The following UPP2 variants were observed in gnomAD, a reference collection of about 807,000 sequenced individuals.
UPP2 encodes the protein uridine phosphorylase 2, also known as UPase 2.
Under a neutral mutation model 26.7 loss-of-function variants are expected in UPP2, and 23 were observed. The ratio of observed to expected loss-of-function variants is 0.86; its 90% confidence interval spans 0.62 to 1.22. UPP2 has a LOEUF of 1.22. Ranked by LOEUF, UPP2 falls within the 50% of genes most tolerant of loss-of-function variation. UPP2 has a pLI of 0.00. For missense variants in UPP2, 387 were observed against 396.7 expected, an observed-to-expected ratio of 0.98 and a Z score of 0.21; for synonymous variants, 127 against 141.3, an observed-to-expected ratio of 0.90 and a Z score of 0.72.
At position 158,054,388 on chromosome 2, in the gene UPP2, T is replaced by G. The variant is rs75244218; in HGVS notation, c.147+38502T>G. ...TTGCTTTGTTGGTTATTTTGAGGTTTTTTTTTTTTTTTAAATCCTTGCAAT... is the reference window on the plus strand; with the variant it reads ...TTGCTTTGTTGGTTATTTTGAGGTTGTTTTTTTTTTTTAAATCCTTGCAAT... On this transcript the variant is annotated intron_variant, in intron 3 of 9. Coordinates refer to the UPP2 transcript ENST00000605860. Among the ~76,000 whole-genome samples the G allele has an allele frequency of 5.2e-3, 672 of 129,716 alleles. 3 individuals carry two copies. The highest frequency in any genetic ancestry group is 0.028 in the African/African-American group (606 of 21,878). 85.1% of individuals were successfully genotyped at this position (129,716 alleles called of 152,430 possible).
intron 3 of UPP2, among the ~76,000 whole-genome samples, chr2:158,047,679 T>C (rs781523016): frequency 1.6e-4 from 25 of 152,222 alleles, no homozygotes; most frequent in Non-Finnish European, 3.1e-4. Context: ...CAGATCATGA[T>C]AGAGCCAAAT....
chr2:158,106,225 A>G lies in UPP2; in HGVS notation c.180+9A>G, dbSNP rs746279832. On this transcript the variant is annotated intron_variant, in intron 2 of 6. Transcript: ENST00000005756. Reference sequence around the variant, plus strand: ...TGTTTGGAGATGTAAAGGTAAAAACATTTCTAATTTCAGGAAAAATGATTG... The same window carrying G: ...TGTTTGGAGATGTAAAGGTAAAAACGTTTCTAATTTCAGGAAAAATGATTG... 11 of 1,593,748 alleles carry G rather than the reference A, an allele frequency of 6.9e-6. No homozygotes were observed. Among genetic ancestry groups the G allele is most frequent in the Non-Finnish European group, 9.4e-6 (11 of 1,172,792 alleles).
At chr2:158,080,817 A>C (rs1380583755) in intron 3 of UPP2, among the ~76,000 whole-genome samples, 1 of 152,176 alleles carries the variant, frequency 6.6e-6, no homozygotes, top group Non-Finnish European at 1.5e-5. Context: ...GATTAGAATT[A>C]GTGTGGAACA....
intron 3 of UPP2, among the ~76,000 whole-genome samples, chr2:158,074,014 A>T (rs1421803266): frequency 6.6e-6 from 1 of 152,108 alleles, no homozygotes; most frequent in African/African-American, 2.4e-5. Flanking sequence ...GTCTCTCCAA[A>T]TTTTTATTTA....
At chr2:158,125,566 C>T (rs1473603535) in intron 6 of UPP2, among the ~76,000 whole-genome samples, 1 of 152,010 alleles carries the variant, frequency 6.6e-6, no homozygotes, top group Non-Finnish European at 1.5e-5. Context: ...GAATTACAAG[C>T]TTGTGCCACC....
intron 3 of UPP2, among the ~76,000 whole-genome samples, chr2:158,020,697 C>T (rs957888538): frequency 6.6e-6 from 1 of 152,182 alleles, no homozygotes; most frequent in Non-Finnish European, 1.5e-5. Context: ...ATTGTTCGTG[C>T]ACAGATGACA....
intron 3 of UPP2, among the ~76,000 whole-genome samples, chr2:158,060,125 C>T (rs991583974): frequency 5.3e-5 from 8 of 152,082 alleles, no homozygotes; most frequent in Non-Finnish European, 8.8e-5. Context: ...CACAGGCACT[C>T]TTCCCATGAC....
At chr2:158,010,354 C>T (rs1421413928) in intron 2 of UPP2, among the ~76,000 whole-genome samples, 3 of 152,066 alleles carry the variant, frequency 2.0e-5, no homozygotes, top group African/African-American at 4.8e-5. Flanking sequence ...AAAATATTTT[C>T]CTTTCCTTAT....
chr2:158,086,206 AT>A (rs1387029558), intron 3 of UPP2, among the ~76,000 whole-genome samples: 1 of 151,938 alleles, frequency 6.6e-6, no homozygotes, highest in African/African-American at 2.4e-5. Flanking sequence ...CAGAGTTTCT[AT>A]TTATTCCTGG....
chr2:158,050,352 A>G (rs1682131915), intron 3 of UPP2, among the ~76,000 whole-genome samples: 1 of 152,196 alleles, frequency 6.6e-6, no homozygotes, highest in African/African-American at 2.4e-5. Context: ...TGAGAAGTAA[A>G]CAGTTTGGCT....
At chr2:157,995,202 C>T in exon 2 of UPP2, 2 of 1,613,696 alleles carry the variant, frequency 1.2e-6, no homozygotes, top group Non-Finnish European at 1.7e-6. Context: ...TGCTGCCATG[C>T]TGGCCCCAGG....
At chr2:158,128,766 T>C (rs1456277939) in intron 6 of UPP2, among the ~76,000 whole-genome samples, 1 of 152,148 alleles carries the variant, frequency 6.6e-6, no homozygotes, top group Non-Finnish European at 1.5e-5. Context: ...TAAAAGTCAA[T>C]GCAGATTTTT....
intron 2 of UPP2, among the ~76,000 whole-genome samples, chr2:158,007,496 G>A (rs563447995): frequency 6.6e-6 from 1 of 152,208 alleles, no homozygotes; most frequent in South Asian, 2.1e-4. Context: ...CTTGTCTTGA[G>A]GGCCTCATCT....
At chr2:158,090,003 T>C (rs565564618) in intron 3 of UPP2, among the ~76,000 whole-genome samples, 9 of 152,256 alleles carry the variant, frequency 5.9e-5, no homozygotes, top group African/African-American at 1.9e-4. Context: ...TGCAAATTAG[T>C]CCTGCCTCCT....
intron 6 of UPP2, among the ~76,000 whole-genome samples, chr2:158,129,111 C>G (rs1455189931): frequency 6.6e-6 from 1 of 151,934 alleles, no homozygotes; most frequent in East Asian, 1.9e-4. Flanking sequence ...CTACTCTTCC[C>G]TTCCCACTGC....
At position 158,123,139 on chromosome 2, in the gene UPP2, C is replaced by T. The variant is rs1260837725; in HGVS notation, c.665-610C>T. 3.9e-5 allele frequency among the ~76,000 whole-genome samples: 6 copies of T among 152,114 alleles called. No homozygotes were observed. The East Asian group carries it at 9.6e-4, about 24-fold the overall frequency. ...GAGTAATGACATCAAGGTTTCCTTT[C>T]CTTGCTTCTGTCCGCACTGGTAGAT... is the stretch of plus-strand genomic sequence containing the variant. On this transcript the variant is annotated intron_variant, in intron 5 of 6. Transcript: ENST00000005756.
At chr2:158,087,034 A>C (rs1682828288) in intron 3 of UPP2, among the ~76,000 whole-genome samples, 1 of 151,804 alleles carries the variant, frequency 6.6e-6, no homozygotes. Context: ...GTTTAAATCC[A>C]TTCTTTGTTG....
At chr2:158,074,868 C>T (rs1385250741) in intron 3 of UPP2, among the ~76,000 whole-genome samples, 2 of 149,756 alleles carry the variant, frequency 1.3e-5, no homozygotes, top group African/African-American at 4.9e-5. Flanking sequence ...GACCTGTTGC[C>T]TACAAAAAAG....
chr2:158,122,205 C>T (rs1017164427), intron 5 of UPP2, among the ~76,000 whole-genome samples: 8 of 150,628 alleles, frequency 5.3e-5, no homozygotes, highest in Non-Finnish European at 8.9e-5. Flanking sequence ...GACAGACCCC[C>T]GATTCTTTCT....
Sources: gnomAD v4.1 joint callset for allele counts (sites outside exome capture counted in the v4.1 genomes callset) on GRCh38, gnomAD v4.1.1 for gene constraint, MANE v1.5 for transcripts, NCBI Gene and HGNC (gene_info 2026-07-23, HGNC 2026-07-21) for gene names.